Variants in TLE1 observed in about 807,000 individuals in gnomAD.
The protein encoded by TLE1 is TLE family member 1, transcriptional corepressor.
A neutral mutation model predicts 89.8 loss-of-function variants in TLE1; 21 were observed. That is an observed-to-expected ratio of 0.23 (90% CI 0.17 to 0.34). The LOEUF is 0.34. Among genes scored for constraint, TLE1 ranks in the 10% least tolerant of loss-of-function variants. The pLI, the probability that TLE1 is intolerant of heterozygous loss-of-function variation, is 1.00. For synonymous variants in TLE1, 447 were observed against 407.6 expected, an observed-to-expected ratio of 1.10 and a Z score of -1.16; for missense variants, 795 against 1,031.2, an observed-to-expected ratio of 0.77 and a Z score of 3.14.
At position 81,585,553 on chromosome 9, in the gene TLE1, GC is replaced by G. The variant is rs1828275534; in HGVS notation, c.2079del (p.Gln693HisfsTer12). ...VLHVNKPDKY[Q>X]LHLHESCVLS... ...AGCACGCAGCTCTCATGCAGGTGCA[GC>G]TGGTACTTGTCAGGCTTGTTCACGT... On this transcript the variant is annotated frameshift_variant, in exon 18 of 20. Transcript: ENST00000376499. LOFTEE classifies it high-confidence loss of function. 1 of 1,614,026 alleles carries G rather than the reference GC, an allele frequency of 6.2e-7. No individual in the cohort carries two copies. Among genetic ancestry groups the G allele is most frequent in the African/African-American group, 1.3e-5 (1 of 74,926 alleles).
At chr9:81,626,197 A>C (rs989211300) in intron 8 of TLE1, among the ~76,000 whole-genome samples, 1 of 152,204 alleles carries the variant, frequency 6.6e-6, no homozygotes, top group African/African-American at 2.4e-5. Context: ...TCCCCGCAGG[A>C]AAAGTGTTTG....
chr9:81,658,036 A>G (rs1050167049), intron 4 of TLE1, among the ~76,000 whole-genome samples: 3 of 150,634 alleles, frequency 2.0e-5, no homozygotes, highest in Non-Finnish European at 4.4e-5. Context: ...TCAGCCTCCC[A>G]AGTAGCTGGG....
chr9:81,680,882 G>T (rs1205998732), intron 4 of TLE1, among the ~76,000 whole-genome samples: 2 of 148,216 alleles, frequency 1.3e-5, no homozygotes, highest in East Asian at 2.0e-4. Context: ...GACTTAGGGG[G>T]AAAAAAAATC....
intron 4 of TLE1, among the ~76,000 whole-genome samples, chr9:81,659,910 C>T (rs548324084): frequency 1.3e-5 from 2 of 152,148 alleles, no homozygotes; most frequent in Non-Finnish European, 2.9e-5. Flanking sequence ...TCTTCCCAAT[C>T]CCTCAAGGCC....
rs1823964074 is a variant in TLE1 at position 81,613,357 on chromosome 9, A to G, written c.1063+20T>C. On this transcript the variant is annotated intron_variant, in intron 12 of 19. Coordinates refer to ENST00000376499, the MANE Select transcript of TLE1 (RefSeq NM_005077.5). ...GAATGGGAGAAACCAAACAAAGCAC[A>G]ACAAGAGGCGATGCTGTACCCGCTT... The G allele has an allele frequency of 6.2e-7, 1 of 1,610,520 alleles. No individual in the cohort carries two copies. Among genetic ancestry groups the G allele is most frequent in the Admixed American group, 1.7e-5 (1 of 59,154 alleles).
chr9:81,652,756 C>T (rs549204423), intron 5 of TLE1, among the ~76,000 whole-genome samples: 1 of 152,198 alleles, frequency 6.6e-6, no homozygotes, highest in African/African-American at 2.4e-5. Context: ...GCATGGGCAA[C>T]ATGGCAGAAC....
chr9:81,630,285 G>A (rs556043597), intron 8 of TLE1, among the ~76,000 whole-genome samples: 4 of 152,244 alleles, frequency 2.6e-5, no homozygotes, highest in South Asian at 2.1e-4. Flanking sequence ...ACAAAAGAGC[G>A]AATGCAGAGG....
chr9:81,639,675 C>G (rs900764909), intron 6 of TLE1, among the ~76,000 whole-genome samples: 1 of 150,958 alleles, frequency 6.6e-6, no homozygotes, highest in African/African-American at 2.4e-5. Context: ...CTCCACCTCC[C>G]GGGTTCAAGC....
intron 14 of TLE1, among the ~76,000 whole-genome samples, chr9:81,597,273 C>T (rs1346796923): frequency 4.6e-5 from 7 of 150,574 alleles, no homozygotes; most frequent in Non-Finnish European, 8.9e-5. Flanking sequence ...ATCGCACCAC[C>T]ACGACTTAAA....
At chr9:81,661,900 G>C (rs936040312) in intron 4 of TLE1, among the ~76,000 whole-genome samples, 6 of 152,148 alleles carry the variant, frequency 3.9e-5, no homozygotes, top group Non-Finnish European at 7.3e-5. Context: ...CATCCTCAGG[G>C]AAAGTGGAAC....
chr9:81,685,905 A>G lies in TLE1; in HGVS notation c.126-9T>C, dbSNP rs1210997212. ...CACATTCCAATTTAAGGCTAGGAAA[A>G]CAAAACAGGCAACTTAATGTAAACA... On this transcript the variant is annotated splice_polypyrimidine_tract_variant and intron_variant, in intron 2 of 19. Transcript: ENST00000376499. 3 of 1,612,798 alleles carry G rather than the reference A, an allele frequency of 1.9e-6. No individual in the cohort carries two copies. The highest frequency in any genetic ancestry group is 2.5e-6 in the Non-Finnish European group (3 of 1,179,982).
chr9:81,644,610 G>A (rs1828587465), intron 6 of TLE1, among the ~76,000 whole-genome samples: 1 of 152,164 alleles, frequency 6.6e-6, no homozygotes, highest in Non-Finnish European at 1.5e-5. Context: ...TCTTTACAGG[G>A]TGACAAAAAT....
intron 4 of TLE1, 152 bp from the exon 5 acceptor site, chr9:81,654,188 T>C (rs1193488848): frequency 3.1e-6 from 2 of 651,720 alleles, no homozygotes; most frequent in Non-Finnish European, 5.2e-6. Flanking sequence ...AATACTTATC[T>C]TGAAATAAAC....
chr9:81,670,650 T>G (rs1198225464), intron 4 of TLE1, among the ~76,000 whole-genome samples: 2 of 151,640 alleles, frequency 1.3e-5, no homozygotes, highest in Non-Finnish European at 2.9e-5. Context: ...GAAGCAACAA[T>G]TGTTACTTAT....
chr9:81,613,273 A>G lies in TLE1; in HGVS notation c.1063+104T>C, dbSNP rs186727234. On this transcript the variant is annotated intron_variant, in intron 12 of 19. Transcript: ENST00000376499. Reference sequence around the variant, plus strand: ...GATAGGAAGGAGGGTGGCCCTACGTACATTTCATATTTGTAGGGCAATTGC... The same window carrying G: ...GATAGGAAGGAGGGTGGCCCTACGTGCATTTCATATTTGTAGGGCAATTGC... The G allele has an allele frequency of 2.6e-5, 38 of 1,487,748 alleles. No individual in the cohort carries two copies. The African/African-American group carries it at 4.6e-4, about 18-fold the overall frequency. The allele number at this position is 1,487,748 out of a possible 1,614,324, so 92.2% of individuals were successfully genotyped here. A position where few individuals can be genotyped will look rare whatever the true frequency, so the allele number is the denominator to read the frequency against.
At chr9:81,587,941 T>TGTGTGTGTGTGTGTGTGTGTGTGG in intron 16 of TLE1, 113 bp from the exon 17 acceptor site, 1 of 1,227,004 alleles carries the variant, frequency 8.1e-7, no homozygotes, top group Non-Finnish European at 1.1e-6. Context: ...TGTGTGTGTG[T>TGTGTGTGTGTGTGTGTGTGTGTGG]GTGTGATCCC....
chr9:81,585,774 C>A (rs904085304), intron 17 of TLE1, 119 bp from the exon 18 acceptor site: 3 of 1,309,684 alleles, frequency 2.3e-6, no homozygotes, highest in Non-Finnish European at 3.1e-6. Flanking sequence ...CAAGTCCAGA[C>A]TGTGGGGAGG....
chr9:81,595,090 G>A (rs547753477), intron 14 of TLE1, among the ~76,000 whole-genome samples: 1 of 152,248 alleles, frequency 6.6e-6, no homozygotes, highest in East Asian at 1.9e-4. Context: ...CACGTATAAT[G>A]GGAACCATGG....
intron 12 of TLE1, among the ~76,000 whole-genome samples, chr9:81,612,643 C>A (rs72747249): frequency 2.6e-5 from 4 of 152,264 alleles, no homozygotes; most frequent in Non-Finnish European, 4.4e-5. Context: ...TTGGGCCAGC[C>A]AAACCGCTGT....
Sources: allele counts gnomAD v4.1 joint callset (sites outside exome capture counted in the v4.1 genomes callset), GRCh38; gene constraint gnomAD v4.1.1; transcripts MANE v1.5; gene names NCBI Gene and HGNC (gene_info 2026-07-23, HGNC 2026-07-21).